The following RAB38 variants were observed in gnomAD, a reference collection of about 807,000 sequenced individuals.
RAB38 encodes the protein ras-related protein Rab-38.
A neutral mutation model predicts 18.4 loss-of-function variants in RAB38; 15 were observed. The ratio of observed to expected loss-of-function variants is 0.82; its 90% confidence interval spans 0.55 to 1.26. RAB38 has a LOEUF of 1.26. Among genes scored for constraint, RAB38 ranks in the 50% most tolerant of loss-of-function variants. RAB38 has a pLI of 0.00. For missense variants in RAB38, 294 were observed against 267.4 expected, an observed-to-expected ratio of 1.10 and a Z score of -0.69; for synonymous variants, 101 against 104.4, an observed-to-expected ratio of 0.97 and a Z score of 0.20.
intron 2 of RAB38, among the ~76,000 whole-genome samples, chr11:88,120,617 T>C (rs1278287937): frequency 2.0e-5 from 3 of 152,182 alleles, no homozygotes; most frequent in Admixed American, 6.5e-5. Context: ...AGAAATGGGA[T>C]ATAGTGAAGA....
chr11:87,974,925 AAC>A, the RAB38 span, among the ~76,000 whole-genome samples: 34 of 152,122 alleles, frequency 2.2e-4, no homozygotes, highest in African/African-American at 7.7e-4. Flanking sequence ...TGGGTGGCTT[AAC>A]ACAACAGATG....
the RAB38 span, among the ~76,000 whole-genome samples, chr11:87,830,571 T>C: frequency 2.6e-5 from 4 of 152,008 alleles, no homozygotes; most frequent in Non-Finnish European, 5.9e-5. Flanking sequence ...TTACATGAAT[T>C]ACCTTATTTT....
chr11:88,093,882 G>A, the RAB38 span, among the ~76,000 whole-genome samples: 2 of 151,854 alleles, frequency 1.3e-5, no homozygotes, highest in African/African-American at 4.8e-5. Context: ...TCTGCCAGAT[G>A]TCCTACCCAC....
At chr11:88,157,338 T>G (rs113326278) in intron 1 of RAB38, among the ~76,000 whole-genome samples, 12 of 152,304 alleles carry the variant, frequency 7.9e-5, no homozygotes, top group Admixed American at 2.6e-4. Flanking sequence ...GTAGTCAGAT[T>G]CATAAAACAA....
the RAB38 span, among the ~76,000 whole-genome samples, chr11:88,042,547 G>A: frequency 6.6e-6 from 1 of 152,186 alleles, no homozygotes; most frequent in Non-Finnish European, 1.5e-5. Flanking sequence ...TTAATTCCCA[G>A]GCACAGTGCC....
At chr11:87,878,276 ATC>A in the RAB38 span, among the ~76,000 whole-genome samples, 3 of 135,834 alleles carry the variant, frequency 2.2e-5, no homozygotes, top group Non-Finnish European at 4.7e-5. Context: ...CTATCTATCT[ATC>A]TATCTATCTA....
chr11:88,175,245 G>T lies in RAB38; in HGVS notation c.140C>A (p.Ala47Glu), dbSNP rs200491370. 6.2e-7 allele frequency: 1 copy of T among 1,614,118 alleles called. No homozygotes were observed. Among genetic ancestry groups the T allele is most frequent in the East Asian group, 2.2e-5 (1 of 44,880 alleles). Residue 47 changes from alanine (A) to glutamate (E), a missense_variant, in exon 1 of 3, where the codon GCG (alanine) becomes GAG (glutamate). Coordinates refer to ENST00000243662, the MANE Select transcript of RAB38 (RefSeq NM_022337.3). ...HYRATIGVDFALKVLHWDPET... is the reference protein window; with the variant it reads ...HYRATIGVDFELKVLHWDPET... Reference sequence around the variant, plus strand: ...CGGGTCCCAGTGGAGCACCTTGAGCGCGAAGTCCACGCCGATTGTGGCCCG... The same window carrying T: ...CGGGTCCCAGTGGAGCACCTTGAGCTCGAAGTCCACGCCGATTGTGGCCCG...
intron 1 of RAB38, among the ~76,000 whole-genome samples, chr11:88,173,377 T>C (rs1017806038): frequency 2.6e-5 from 4 of 152,112 alleles, no homozygotes; most frequent in Admixed American, 1.3e-4. Context: ...TGTTTACAAG[T>C]AAGGAAACCA....
At chr11:88,014,327 G>T in the RAB38 span, among the ~76,000 whole-genome samples, 1 of 152,032 alleles carries the variant, frequency 6.6e-6, no homozygotes, top group Non-Finnish European at 1.5e-5. Flanking sequence ...GATATGCCTG[G>T]TCTCAACCCA....
chr11:87,873,146 A>G, the RAB38 span, among the ~76,000 whole-genome samples: 1 of 151,570 alleles, frequency 6.6e-6, no homozygotes, highest in African/African-American at 2.4e-5. Context: ...ACAGTCTAAC[A>G]GGTACGTAAT....
intron 2 of RAB38, among the ~76,000 whole-genome samples, chr11:88,144,192 C>T (rs1204199939): frequency 6.6e-6 from 1 of 152,168 alleles, no homozygotes; most frequent in Non-Finnish European, 1.5e-5. Flanking sequence ...AATCAGACCC[C>T]TCCTTTTATG....
At chr11:88,117,327 G>C (rs1942567874) in intron 2 of RAB38, among the ~76,000 whole-genome samples, 1 of 152,172 alleles carries the variant, frequency 6.6e-6, no homozygotes, top group South Asian at 2.1e-4. Flanking sequence ...AAAAAGGTTG[G>C]AAAGGGCATC....
chr11:87,859,744 A>C, the RAB38 span, among the ~76,000 whole-genome samples: 6 of 152,078 alleles, frequency 3.9e-5, no homozygotes, highest in African/African-American at 7.2e-5. Context: ...AGGGATTAAC[A>C]ATAGGTCAAC....
At chr11:88,033,185 C>T in the RAB38 span, among the ~76,000 whole-genome samples, 1 of 151,320 alleles carries the variant, frequency 6.6e-6, no homozygotes, top group East Asian at 1.9e-4. Context: ...AATGAGAACA[C>T]ATGGACACAG....
the RAB38 span, among the ~76,000 whole-genome samples, chr11:87,974,896 G>T: frequency 5.3e-5 from 8 of 151,988 alleles, no homozygotes; most frequent in East Asian, 5.8e-4. Flanking sequence ...TAGGCCTACC[G>T]TAACAAACTA....
At chr11:87,967,694 C>T in the RAB38 span, among the ~76,000 whole-genome samples, 14 of 152,168 alleles carry the variant, frequency 9.2e-5, no homozygotes, top group African/African-American at 3.1e-4. Flanking sequence ...GACATTCCTG[C>T]CTATCAAGCA....
At chr11:88,088,510 T>C in the RAB38 span, among the ~76,000 whole-genome samples, 1 of 151,874 alleles carries the variant, frequency 6.6e-6, no homozygotes, top group Non-Finnish European at 1.5e-5. Flanking sequence ...GAAGACTAAG[T>C]CTTCTAACTG....
At chr11:88,038,618 C>T in the RAB38 span, among the ~76,000 whole-genome samples, 2 of 152,140 alleles carry the variant, frequency 1.3e-5, no homozygotes, top group Non-Finnish European at 2.9e-5. Flanking sequence ...AAATAGAACA[C>T]ACAACTTTAC....
At chr11:87,922,878 T>G in the RAB38 span, among the ~76,000 whole-genome samples, 3 of 127,298 alleles carry the variant, frequency 2.4e-5, no homozygotes, top group Admixed American at 8.5e-5. Flanking sequence ...GGAAGAAAAA[T>G]GGATGGGAGA....
Sources: gnomAD v4.1 joint callset for allele counts (sites outside exome capture counted in the v4.1 genomes callset) on GRCh38, gnomAD v4.1.1 for gene constraint, MANE v1.5 for transcripts, NCBI Gene and HGNC (gene_info 2026-07-23, HGNC 2026-07-21) for gene names.